The following CHLSN variants were observed in gnomAD, a reference collection of about 807,000 sequenced individuals.
The protein encoded by CHLSN is cholesin.
At chr7:1,010,974 G>A in the CHLSN span, among the ~76,000 whole-genome samples, 3 of 151,758 alleles carry the variant, frequency 2.0e-5, no homozygotes, top group South Asian at 6.3e-4. Context: ...AGGAAGGGAG[G>A]CCGGGCACAG....
the CHLSN span, among the ~76,000 whole-genome samples, chr7:1,014,438 C>G: frequency 1.3e-5 from 2 of 152,260 alleles, no homozygotes; most frequent in South Asian, 4.1e-4. Context: ...CCCACCCCAC[C>G]CGTCCATCTG....
At chr7:989,369 G>C in the CHLSN span, 1 of 155,542 alleles carries the variant, frequency 6.4e-6, no homozygotes, top group Non-Finnish European at 1.4e-5. Flanking sequence ...GCGTATGACT[G>C]GTGCAGGGAG....
At chr7:1,032,574 C>T in the CHLSN span, among the ~76,000 whole-genome samples, 3 of 150,806 alleles carry the variant, frequency 2.0e-5, no homozygotes, top group African/African-American at 4.9e-5. Flanking sequence ...CCGCCCACAC[C>T]GCCAGGCACC....
At chr7:1,106,438 G>A in the CHLSN span, among the ~76,000 whole-genome samples, 21 of 152,342 alleles carry the variant, frequency 1.4e-4, no homozygotes, top group African/African-American at 4.8e-4. Context: ...GGACAGCGTG[G>A]CAGGGAGAGG....
the CHLSN span, among the ~76,000 whole-genome samples, chr7:1,000,292 G>A: frequency 2.7e-5 from 4 of 148,216 alleles, no homozygotes; most frequent in Non-Finnish European, 6.0e-5. Context: ...TGCCTGCCCC[G>A]CCGTGCACAG....
the CHLSN span, among the ~76,000 whole-genome samples, chr7:1,053,744 T>A: frequency 6.6e-6 from 1 of 152,150 alleles, no homozygotes; most frequent in Admixed American, 6.5e-5. Flanking sequence ...GGAGAATCGC[T>A]TGAACCCGGG....
chr7:1,099,788 G>A, the CHLSN span, among the ~76,000 whole-genome samples: 4 of 152,198 alleles, frequency 2.6e-5, no homozygotes, highest in African/African-American at 7.2e-5. Flanking sequence ...CTGTTGTCTC[G>A]TTTGCTGTGT....
chr7:1,012,235 C>T, the CHLSN span, among the ~76,000 whole-genome samples: 1 of 152,244 alleles, frequency 6.6e-6, no homozygotes, highest in African/African-American at 2.4e-5. Context: ...GGTCTGTCAG[C>T]CCACATGCGT....
At chr7:1,103,387 C>A in the CHLSN span, among the ~76,000 whole-genome samples, 1 of 152,192 alleles carries the variant, frequency 6.6e-6, no homozygotes, top group Non-Finnish European at 1.5e-5. Context: ...AAAACCCCAG[C>A]TATCAGGCGC....
At chr7:1,077,654 C>A in the CHLSN span, 1 of 152,304 alleles carries the variant, frequency 6.6e-6, no homozygotes, top group Non-Finnish European at 1.5e-5. Flanking sequence ...CCTACCAGGG[C>A]TAGTTTGAAT....
the CHLSN span, among the ~76,000 whole-genome samples, chr7:1,037,526 C>G: frequency 1.4e-5 from 2 of 144,164 alleles, no homozygotes; most frequent in African/African-American, 5.0e-5. Flanking sequence ...GGATTGCAGA[C>G]GGAGTCTCGT....
the CHLSN span, among the ~76,000 whole-genome samples, chr7:1,117,497 C>A: frequency 1.5e-5 from 2 of 137,584 alleles, no homozygotes; most frequent in East Asian, 4.3e-4. Context: ...CTTCCATCAC[C>A]GACATCCACG....
the CHLSN span, among the ~76,000 whole-genome samples, chr7:1,042,439 T>C: frequency 1.3e-5 from 2 of 152,246 alleles, no homozygotes; most frequent in South Asian, 4.1e-4. Flanking sequence ...CTGAGTCTTG[T>C]ACAGGGGCTG....
chr7:1,137,939 C>T, the CHLSN span: 1 of 152,320 alleles, frequency 6.6e-6, no homozygotes, highest in African/African-American at 2.4e-5. Flanking sequence ...TGAGTCCCTT[C>T]CACTCGCCCG....
chr7:1,064,699 G>A, the CHLSN span, among the ~76,000 whole-genome samples: 24 of 152,182 alleles, frequency 1.6e-4, no homozygotes, highest in Non-Finnish European at 2.5e-4. Flanking sequence ...TCCCTCGGCC[G>A]AGTCACCTGG....
the CHLSN span, chr7:1,093,735 C>A: frequency 6.3e-5 from 29 of 458,734 alleles, no homozygotes; most frequent in Admixed American, 2.4e-4. Context: ...GATGTAAAAA[C>A]CTTCCCATAA....
chr7:1,100,060 C>T, the CHLSN span, among the ~76,000 whole-genome samples: 147 of 152,340 alleles, frequency 9.6e-4, 1 homozygote, highest in African/African-American at 3.4e-3. Context: ...CTGTGCACCG[C>T]AAGCCAAATG....
chr7:1,108,231 CG>C, the CHLSN span, among the ~76,000 whole-genome samples: 284 of 19,036 alleles, frequency 0.015, 16 homozygotes, highest in African/African-American at 0.018. Flanking sequence ...TCCCGCACCC[CG>C]GGGGGGAAGC....
chr7:992,870 C>T, the CHLSN span, among the ~76,000 whole-genome samples: 5 of 152,224 alleles, frequency 3.3e-5, no homozygotes, highest in South Asian at 2.1e-4. Flanking sequence ...ACAAATGCCC[C>T]GAGGCAGGCC....
Sources: gnomAD v4.1 joint callset for allele counts (sites outside exome capture counted in the v4.1 genomes callset) on GRCh38, gnomAD v4.1.1 for gene constraint, MANE v1.5 for transcripts, NCBI Gene and HGNC (gene_info 2026-07-23, HGNC 2026-07-21) for gene names.